LRP1B: variants seen among roughly 807,000 people sequenced by gnomAD.
The protein encoded by LRP1B is low-density lipoprotein receptor-related protein 1B.
LRP1B carries 217 observed loss-of-function variants against 556.6 expected under a neutral mutation model. The observed-to-expected ratio is 0.39, with a 90% confidence interval of 0.35 to 0.44. The LOEUF is 0.44. Among genes scored for constraint, LRP1B ranks in the 20% least tolerant of loss-of-function variants. LRP1B has a pLI of 1.00. For missense variants in LRP1B, 5,053 were observed against 5,620.8 expected (o/e 0.90, Z 3.23); for synonymous variants, 2,047 against 1,865.8 (o/e 1.10, Z -2.50).
At chr2:140,782,074 A>G (rs541199076) in intron 32 of LRP1B, among the ~76,000 whole-genome samples, 3 of 152,228 alleles carry the variant, frequency 2.0e-5, no homozygotes, top group South Asian at 4.1e-4. Flanking sequence ...GTTGTTTCAC[A>G]CTGTTATTGA....
chr2:141,037,866 A>G (rs1418970414), intron 11 of LRP1B, among the ~76,000 whole-genome samples: 1 of 151,448 alleles, frequency 6.6e-6, no homozygotes, highest in Admixed American at 6.6e-5. Flanking sequence ...ACACACACAG[A>G]CACATGCGCA....
At chr2:141,710,635 G>A (rs1049976995) in intron 2 of LRP1B, among the ~76,000 whole-genome samples, 11 of 152,140 alleles carry the variant, frequency 7.2e-5, no homozygotes. Context: ...AAGTACTAAT[G>A]ATTTCCGAAA....
chr2:141,058,211 A>AT (rs1699236265), intron 9 of LRP1B, among the ~76,000 whole-genome samples: 4 of 151,900 alleles, frequency 2.6e-5, no homozygotes, highest in Non-Finnish European at 4.4e-5. Context: ...CATATTTGTG[A>AT]CAATGTACAG....
At chr2:141,288,624 T>A (rs1359879409) in intron 3 of LRP1B, among the ~76,000 whole-genome samples, 3 of 152,220 alleles carry the variant, frequency 2.0e-5, no homozygotes, top group African/African-American at 7.2e-5. Flanking sequence ...TGCCTGAAAC[T>A]GATTATCTTA....
rs115201392 is a variant in LRP1B at position 140,365,355 on chromosome 2, A to G, written c.11009-572T>C. 8.8e-3 allele frequency among the ~76,000 whole-genome samples: 1,336 copies of G among 151,872 alleles called. 8 individuals are homozygous for G. The highest frequency in any genetic ancestry group is 0.013 in the Non-Finnish European group (865 of 67,778). On this transcript the variant is annotated intron_variant, in intron 71 of 90. Transcript: ENST00000389484. ...TTAAATAAAAGTTGTGCAGTAAAGC[A>G]TTATTTTTTGGATTGTTAAAATGTT...
chr2:140,519,157 A>G (rs1044203833), intron 49 of LRP1B, among the ~76,000 whole-genome samples: 2 of 152,162 alleles, frequency 1.3e-5, no homozygotes, highest in East Asian at 3.9e-4. Context: ...TGCCAAGACA[A>G]TCCTAAGCAA....
chr2:140,617,431 G>A (rs1574148370), intron 41 of LRP1B, among the ~76,000 whole-genome samples: 2 of 151,968 alleles, frequency 1.3e-5, no homozygotes, highest in East Asian at 3.9e-4. Context: ...ATAAAAATCA[G>A]TGTGTCAATG....
chr2:141,321,545 C>T (rs1192329538), intron 3 of LRP1B, among the ~76,000 whole-genome samples: 4 of 152,018 alleles, frequency 2.6e-5, no homozygotes, highest in African/African-American at 9.7e-5. Flanking sequence ...ATTCCTATTA[C>T]TGAGTCAACA....
chr2:141,309,947 A>T (rs1485967882), intron 3 of LRP1B, among the ~76,000 whole-genome samples: 1 of 152,138 alleles, frequency 6.6e-6, no homozygotes, highest in Non-Finnish European at 1.5e-5. Context: ...TGAATCTGAG[A>T]TTTCCCAGCT....
At chr2:141,865,603 A>G (rs1698387216) in intron 1 of LRP1B, among the ~76,000 whole-genome samples, 1 of 130,112 alleles carries the variant, frequency 7.7e-6, no homozygotes, top group Non-Finnish European at 1.8e-5. Flanking sequence ...AAAAAAAAAA[A>G]AAAAGAAAAA....
At chr2:141,654,537 C>G (rs921990697) in intron 2 of LRP1B, among the ~76,000 whole-genome samples, 1 of 152,056 alleles carries the variant, frequency 6.6e-6, no homozygotes, top group Non-Finnish European at 1.5e-5. Flanking sequence ...CTCTCTCCAT[C>G]TGTCACATGT....
intron 7 of LRP1B, among the ~76,000 whole-genome samples, chr2:141,074,543 TAA>T (rs2105489116): frequency 6.8e-6 from 1 of 147,544 alleles, no homozygotes; most frequent in Admixed American, 6.9e-5. Context: ...CTGCACATAC[TAA>T]GTTCTTTCTC....
intron 2 of LRP1B, among the ~76,000 whole-genome samples, chr2:141,656,706 G>T (rs1275594228): frequency 1.3e-5 from 2 of 152,064 alleles, no homozygotes; most frequent in Non-Finnish European, 2.9e-5. Flanking sequence ...GACAATCTCA[G>T]TGATTAAAGT....
intron 66 of LRP1B, among the ~76,000 whole-genome samples, chr2:140,420,597 A>T (rs1558870032): frequency 7.2e-5 from 11 of 152,238 alleles, no homozygotes. Context: ...CTACAACTTA[A>T]ATAAACTCAA....
intron 13 of LRP1B, 31 bp downstream of exon 13, chr2:141,015,665 T>C (rs1353128817): frequency 6.5e-7 from 1 of 1,527,500 alleles, no homozygotes; most frequent in East Asian, 2.3e-5. Context: ...AAGAAGCCTG[T>C]GGGTTAAAAA....
At position 141,803,993 on chromosome 2, in the gene LRP1B, G is replaced by T. The variant is rs558441260; in HGVS notation, c.205+6286C>A. ...TTCACATCTCACCTAATGACTTATA[G>T]ACATTTTCATTTTTCATAGATGCTT... is the stretch of plus-strand genomic sequence containing the variant. On this transcript the variant is annotated intron_variant, in intron 2 of 90. Coordinates refer to ENST00000389484, the MANE Select transcript of LRP1B (RefSeq NM_018557.3). Among the ~76,000 whole-genome samples, 5 of 152,178 alleles carry T rather than the reference G, an allele frequency of 3.3e-5. No homozygotes were observed. In the South Asian group the frequency reaches 6.2e-4, roughly 19 times the overall value.
chr2:142,024,728 C>A (rs1260105224), intron 1 of LRP1B, among the ~76,000 whole-genome samples: 1 of 146,136 alleles, frequency 6.8e-6, no homozygotes, highest in Non-Finnish European at 1.5e-5. Context: ...TAATTGAGTT[C>A]TCTAGGCTTT....
chr2:141,087,375 C>A (rs1700073053), intron 7 of LRP1B, among the ~76,000 whole-genome samples: 1 of 152,188 alleles, frequency 6.6e-6, no homozygotes, highest in Non-Finnish European at 1.5e-5. Flanking sequence ...TCTCTCCATA[C>A]AGGTTAGAAC....
chr2:140,989,448 C>T (rs566817235), intron 17 of LRP1B, 84 bp downstream of exon 17: 2 of 1,485,396 alleles, frequency 1.3e-6, no homozygotes, highest in African/African-American at 2.8e-5. Context: ...TAGGAAAGTT[C>T]AGCTTAGTTC....
Sources: allele counts gnomAD v4.1 joint callset (sites outside exome capture counted in the v4.1 genomes callset), GRCh38; gene constraint gnomAD v4.1.1; transcripts MANE v1.5; gene names NCBI Gene and HGNC (gene_info 2026-07-23, HGNC 2026-07-21).